MAF: variants seen among roughly 807,000 people sequenced by gnomAD.
MAF encodes transcription factor Maf.
MAF carries 10 observed loss-of-function variants against 22.0 expected under a neutral mutation model. That is an observed-to-expected ratio of 0.45 (90% CI 0.28 to 0.77). The LOEUF (loss-of-function observed/expected upper bound fraction) is 0.77, where lower values mean the gene tolerates loss of function less well. Ranked by LOEUF, MAF falls within the 30% of genes least tolerant of loss-of-function variation. The pLI, the probability that MAF is intolerant of heterozygous loss-of-function variation, is 0.12. For missense variants in MAF, 544 were observed against 548.4 expected (o/e 0.99, Z 0.08); for synonymous variants, 337 against 255.8 (o/e 1.32, Z -3.03).
chr16:79,459,297 G>A, the MAF span, among the ~76,000 whole-genome samples: 2 of 152,152 alleles, frequency 1.3e-5, no homozygotes, highest in Admixed American at 1.3e-4. Flanking sequence ...TATTCTTTCA[G>A]TCCTTTTTCC....
chr16:79,569,404 G>C, the MAF span, among the ~76,000 whole-genome samples: 1 of 152,208 alleles, frequency 6.6e-6, no homozygotes, highest in East Asian at 1.9e-4. Context: ...CAGCTGCAGA[G>C]CTGGGGATGG....
chr16:79,339,421 G>T, the MAF span, among the ~76,000 whole-genome samples: 2 of 152,114 alleles, frequency 1.3e-5, no homozygotes, highest in Admixed American at 6.5e-5. Flanking sequence ...TGCTGGCTGG[G>T]TGCAGATGCC....
At chr16:79,428,249 C>T in the MAF span, among the ~76,000 whole-genome samples, 8 of 152,056 alleles carry the variant, frequency 5.3e-5, no homozygotes, top group African/African-American at 1.9e-4. Flanking sequence ...AGGGGGGTTC[C>T]CAGTCTCCCC....
At chr16:79,345,270 A>G in the MAF span, among the ~76,000 whole-genome samples, 2 of 152,116 alleles carry the variant, frequency 1.3e-5, no homozygotes, top group African/African-American at 4.8e-5. Context: ...TTGTCACCTA[A>G]CTTCTGGTCA....
At chr16:79,564,958 T>C in the MAF span, among the ~76,000 whole-genome samples, 10 of 152,174 alleles carry the variant, frequency 6.6e-5, no homozygotes, top group East Asian at 3.9e-4. Context: ...AAAAATGTGG[T>C]ACCTCGAACC....
chr16:79,503,563 T>C, the MAF span, among the ~76,000 whole-genome samples: 2 of 152,254 alleles, frequency 1.3e-5, no homozygotes, highest in Non-Finnish European at 2.9e-5. Context: ...CTTCTTTTGA[T>C]CATTCTTTGT....
At chr16:79,542,446 T>A in the MAF span, among the ~76,000 whole-genome samples, 1 of 151,926 alleles carries the variant, frequency 6.6e-6, no homozygotes, top group East Asian at 1.9e-4. Flanking sequence ...GCAACAGGGG[T>A]CAGTGGCCCC....
the MAF span, among the ~76,000 whole-genome samples, chr16:79,479,053 TG>T: frequency 6.6e-6 from 1 of 150,732 alleles, no homozygotes; most frequent in African/African-American, 2.5e-5. Context: ...CTAGTGTGCC[TG>T]TGCACCACTC....
At chr16:79,348,886 G>T in the MAF span, among the ~76,000 whole-genome samples, 2 of 152,202 alleles carry the variant, frequency 1.3e-5, no homozygotes, top group African/African-American at 4.8e-5. Context: ...GAGAGGTGTT[G>T]TTAAGCGTTC....
At chr16:79,212,391 A>AAAGT in the MAF span, 1 of 468,472 alleles carries the variant, frequency 2.1e-6, no homozygotes, top group South Asian at 4.0e-5. Flanking sequence ...ACCAGGTGGC[A>AAAGT]AAGTACTTGT....
chr16:79,596,743 A>T, intron 1 of MAF: 1 of 1,045,190 alleles, frequency 9.6e-7, no homozygotes, highest in African/African-American at 1.7e-5. Flanking sequence ...TGCCTTTAAA[A>T]CTGTGGATTT....
chr16:79,583,193 G>C (rs902824887), downstream of MAF, among the ~76,000 whole-genome samples: 7 of 152,204 alleles, frequency 4.6e-5, no homozygotes, highest in African/African-American at 1.7e-4. Flanking sequence ...AGGCGTGCAA[G>C]ATAGAAACAA....
the MAF span, among the ~76,000 whole-genome samples, chr16:79,447,648 G>C: frequency 6.6e-6 from 1 of 152,090 alleles, no homozygotes; most frequent in East Asian, 1.9e-4. Flanking sequence ...GTGATTCATG[G>C]AGGGAGATCA....
chr16:79,587,343 C>T (rs1448935548), intron 1 of MAF, among the ~76,000 whole-genome samples: 1 of 151,678 alleles, frequency 6.6e-6, no homozygotes, highest in Non-Finnish European at 1.5e-5. Flanking sequence ...AGTGATAAAA[C>T]CTGGAAGTGT....
chr16:79,380,551 G>A, the MAF span, among the ~76,000 whole-genome samples: 3 of 152,162 alleles, frequency 2.0e-5, no homozygotes, highest in African/African-American at 4.8e-5. Context: ...ACTATATCTT[G>A]TCTTTGCATT....
the MAF span, among the ~76,000 whole-genome samples, chr16:79,488,051 A>C: frequency 6.6e-6 from 1 of 152,192 alleles, no homozygotes; most frequent in Non-Finnish European, 1.5e-5. Flanking sequence ...CAAGCATCGA[A>C]AAGTAGAAGT....
At chr16:79,281,588 C>T in the MAF span, among the ~76,000 whole-genome samples, 7 of 131,270 alleles carry the variant, frequency 5.3e-5, no homozygotes, top group African/African-American at 1.8e-4. Flanking sequence ...CTTGCTCTGT[C>T]GCCAGGCTGG....
chr16:79,394,472 A>G, the MAF span, among the ~76,000 whole-genome samples: 4 of 151,914 alleles, frequency 2.6e-5, no homozygotes, highest in African/African-American at 9.7e-5. Context: ...CCTGCATCTC[A>G]CTGCATTTTG....
the MAF span, among the ~76,000 whole-genome samples, chr16:79,419,728 G>A: frequency 2.6e-4 from 40 of 152,240 alleles, no homozygotes; most frequent in African/African-American, 9.6e-4. Flanking sequence ...AACCTAGACC[G>A]AGCTCACCTT....
Sources: allele counts gnomAD v4.1 joint callset (sites outside exome capture counted in the v4.1 genomes callset), GRCh38; gene constraint gnomAD v4.1.1; transcripts MANE v1.5; gene names NCBI Gene and HGNC (gene_info 2026-07-23, HGNC 2026-07-21).